Variants in GRIK1 observed in about 807,000 individuals in gnomAD.
GRIK1 encodes glutamate receptor ionotropic, kainate 1.
A neutral mutation model predicts 105.7 loss-of-function variants in GRIK1; 69 were observed. The observed-to-expected ratio is 0.65, with a 90% CI of 0.54 to 0.80. The LOEUF (loss-of-function observed/expected upper bound fraction) is 0.80, where lower values mean the gene tolerates loss of function less well. Ranked by LOEUF, GRIK1 falls within the 30% of genes least tolerant of loss-of-function variation. The pLI, the probability that GRIK1 is intolerant of heterozygous loss-of-function variation, is 0.00. For synonymous variants in GRIK1, 438 were observed against 431.3 expected, an observed-to-expected ratio of 1.02 and a Z score of -0.19; for missense variants, 1,109 against 1,167.3, an observed-to-expected ratio of 0.95 and a Z score of 0.73.
intron 9 of GRIK1, among the ~76,000 whole-genome samples, chr21:29,592,405 G>C (rs959638359): frequency 1.3e-5 from 2 of 152,146 alleles, no homozygotes; most frequent in African/African-American, 4.8e-5. Context: ...TTCTCCAGTG[G>C]CCAAGTCACT....
rs186401468 is a variant in GRIK1 at position 29,681,659 on chromosome 21, C to T, written c.544+8069G>A. 8.5e-4 allele frequency among the ~76,000 whole-genome samples: 130 copies of T among 152,326 alleles called. 1 individual carries two copies. Among genetic ancestry groups the T allele is most frequent in the Admixed American group, 3.9e-3 (59 of 15,300 alleles). On this transcript the variant is annotated intron_variant, in intron 3 of 17. Transcript: ENST00000327783. ...CTCTACTTTTTCTTTCTTCCACAGA[C>T]TCACCACCGTTCAACAATTATAATC... is the stretch of plus-strand genomic sequence containing the variant.
chr21:29,900,236 A>C (rs2070344424), intron 1 of GRIK1, among the ~76,000 whole-genome samples: 1 of 152,114 alleles, frequency 6.6e-6, no homozygotes, highest in Non-Finnish European at 1.5e-5. Context: ...AATGGGCAAA[A>C]TAACCAGCTA....
intron 1 of GRIK1, among the ~76,000 whole-genome samples, chr21:29,701,078 G>A (rs573726403): frequency 2.0e-4 from 30 of 152,186 alleles, no homozygotes; most frequent in Middle Eastern, 3.4e-3. Flanking sequence ...TCAATTCATG[G>A]TTATATATAT....
chr21:29,598,034 T>C (rs1164289456), intron 8 of GRIK1, among the ~76,000 whole-genome samples: 1 of 152,218 alleles, frequency 6.6e-6, no homozygotes, highest in Non-Finnish European at 1.5e-5. Flanking sequence ...TATAGAGTTT[T>C]CTGTTGAGGT....
intron 1 of GRIK1, among the ~76,000 whole-genome samples, chr21:29,893,569 G>GT (rs1236499156): frequency 6.6e-6 from 1 of 152,124 alleles, no homozygotes; most frequent in African/African-American, 2.4e-5. Context: ...ATATTTGTAT[G>GT]TTTTACCAGA....
chr21:29,818,101 A>G (rs1260582437), intron 1 of GRIK1, among the ~76,000 whole-genome samples: 1 of 152,096 alleles, frequency 6.6e-6, no homozygotes, highest in Non-Finnish European at 1.5e-5. Context: ...ACTGCATTCT[A>G]AGGATGGAAA....
chr21:29,795,876 A>T (rs2066540995), intron 1 of GRIK1, among the ~76,000 whole-genome samples: 1 of 151,800 alleles, frequency 6.6e-6, no homozygotes. Context: ...TCTGCTTGTA[A>T]GTCTGTCTAA....
At chr21:29,644,446 G>T (rs73197518) in intron 6 of GRIK1, among the ~76,000 whole-genome samples, 26,737 of 152,136 alleles carry the variant, frequency 0.18, 2,579 homozygotes, top group Non-Finnish European at 0.22. Context: ...TCCTTAAAAT[G>T]ACATTTATTT....
At chr21:29,579,661 G>A (rs952615620) in intron 13 of GRIK1, among the ~76,000 whole-genome samples, 7 of 152,110 alleles carry the variant, frequency 4.6e-5, no homozygotes, top group Non-Finnish European at 8.8e-5. Flanking sequence ...TGCACTAACA[G>A]TCACAAGTAC....
chr21:29,742,289 C>T (rs1358076082), intron 1 of GRIK1, among the ~76,000 whole-genome samples: 1 of 152,136 alleles, frequency 6.6e-6, no homozygotes, highest in South Asian at 2.1e-4. Flanking sequence ...AATTGAGTCT[C>T]ATGTTTTTAT....
At chr21:29,865,282 T>C (rs2068766135) in intron 1 of GRIK1, among the ~76,000 whole-genome samples, 1 of 129,534 alleles carries the variant, frequency 7.7e-6, no homozygotes. Context: ...ATAACTGTGA[T>C]TATTTACGGT....
intron 1 of GRIK1, among the ~76,000 whole-genome samples, chr21:29,714,044 G>A (rs1357849298): frequency 6.6e-6 from 1 of 152,180 alleles, no homozygotes; most frequent in Admixed American, 6.5e-5. Context: ...TTCAATGGGC[G>A]AGAAGCAGTG....
intron 7 of GRIK1, among the ~76,000 whole-genome samples, chr21:29,607,952 T>C (rs2061655263): frequency 6.6e-6 from 1 of 152,204 alleles, no homozygotes; most frequent in South Asian, 2.1e-4. Flanking sequence ...GGAATTTCCA[T>C]GTTTCTATTA....
intron 1 of GRIK1, among the ~76,000 whole-genome samples, chr21:29,750,995 T>C (rs2145645110): frequency 2.0e-5 from 3 of 152,096 alleles, no homozygotes; most frequent in Middle Eastern, 6.8e-3. Flanking sequence ...AAAATTACAG[T>C]CAAAGGGGGT....
At chr21:29,826,835 C>T (rs1252550920) in intron 1 of GRIK1, among the ~76,000 whole-genome samples, 2 of 152,010 alleles carry the variant, frequency 1.3e-5, no homozygotes, top group Non-Finnish European at 2.9e-5. Flanking sequence ...AATTATTCCT[C>T]CAATCAGAGT....
intron 7 of GRIK1, among the ~76,000 whole-genome samples, chr21:29,612,553 C>A (rs2061752001): frequency 6.6e-6 from 1 of 152,184 alleles, no homozygotes; most frequent in African/African-American, 2.4e-5. Context: ...ATTGTCAGTG[C>A]ATTCATTTCT....
chr21:29,655,803 C>T (rs56411521), intron 4 of GRIK1, among the ~76,000 whole-genome samples: 7,340 of 151,916 alleles, frequency 0.048, 269 homozygotes, highest in Non-Finnish European at 0.074. Flanking sequence ...GTAATAGTTC[C>T]GGACATTCTG....
intron 7 of GRIK1, among the ~76,000 whole-genome samples, chr21:29,638,066 T>C (rs2062433005): frequency 6.6e-6 from 1 of 152,152 alleles, no homozygotes; most frequent in African/African-American, 2.4e-5. Context: ...ATAAGAAACA[T>C]GCAGTGCTTA....
At chr21:29,684,397 T>G (rs1419862376) in intron 3 of GRIK1, among the ~76,000 whole-genome samples, 1 of 152,208 alleles carries the variant, frequency 6.6e-6, no homozygotes, top group Non-Finnish European at 1.5e-5. Flanking sequence ...ATCTATCTAA[T>G]CTATCATCTA....
Sources: allele counts gnomAD v4.1 joint callset (sites outside exome capture counted in the v4.1 genomes callset), GRCh38; gene constraint gnomAD v4.1.1; transcripts MANE v1.5; gene names NCBI Gene and HGNC (gene_info 2026-07-23, HGNC 2026-07-21).